Variants in FHIT observed in about 807,000 individuals in gnomAD.
FHIT encodes the protein bis(5'-adenosyl)-triphosphatase.
Under a neutral mutation model 17.9 loss-of-function variants are expected in FHIT, and 19 were observed. That is an observed-to-expected ratio of 1.06 (90% confidence interval 0.74 to 1.56). The LOEUF (loss-of-function observed/expected upper bound fraction) is 1.56. Among genes scored for constraint, FHIT ranks in the 40% most tolerant of loss-of-function variants. FHIT has a pLI of 0.00. For synonymous variants in FHIT, 81 were observed against 69.7 expected (o/e 1.16, Z -0.81); for missense variants, 248 against 189.2 (o/e 1.31, Z -1.82).
chr3:60,071,768 C>T (rs994265824), intron 5 of FHIT, among the ~76,000 whole-genome samples: 1 of 152,158 alleles, frequency 6.6e-6, no homozygotes, highest in Non-Finnish European at 1.5e-5. Context: ...TCCCATAATT[C>T]CCGTATGTTA....
chr3:61,167,231 T>TTAAATATATACTATATTTAATA (rs1186777331), intron 2 of FHIT, among the ~76,000 whole-genome samples: 5 of 151,640 alleles, frequency 3.3e-5, no homozygotes, highest in African/African-American at 7.3e-5. Flanking sequence ...TATATCCCTA[T>TTAAATATATACTATATTTAATA]TAAATATATA....
intron 4 of FHIT, among the ~76,000 whole-genome samples, chr3:60,696,293 C>T (rs144762757): frequency 3.3e-5 from 5 of 152,218 alleles, no homozygotes; most frequent in Non-Finnish European, 4.4e-5. Flanking sequence ...GTTCTCCATA[C>T]GTTGAAAAGT....
chr3:60,710,463 G>A (rs2041494758), intron 4 of FHIT, among the ~76,000 whole-genome samples: 1 of 152,186 alleles, frequency 6.6e-6, no homozygotes, highest in African/African-American at 2.4e-5. Flanking sequence ...CTGAAGCAGG[G>A]CAAGGCATTG....
At chr3:60,052,019 C>G (rs987105199) in intron 5 of FHIT, among the ~76,000 whole-genome samples, 2 of 152,104 alleles carry the variant, frequency 1.3e-5, no homozygotes, top group African/African-American at 4.8e-5. Flanking sequence ...TGCACCCCAA[C>G]TGGACTAATT....
At chr3:60,052,484 T>C (rs1270460929) in intron 5 of FHIT, among the ~76,000 whole-genome samples, 1 of 152,158 alleles carries the variant, frequency 6.6e-6, no homozygotes, top group Admixed American at 6.6e-5. Context: ...ATTAAACTTG[T>C]CTACAGTTTT....
At chr3:60,196,381 C>G (rs1447469892) in intron 5 of FHIT, among the ~76,000 whole-genome samples, 1 of 152,150 alleles carries the variant, frequency 6.6e-6, no homozygotes, top group Admixed American at 6.6e-5. Flanking sequence ...ACACTCAGAC[C>G]TCTGCATCCC....
intron 8 of FHIT, among the ~76,000 whole-genome samples, chr3:59,875,556 CTA>C (rs1387367191): frequency 6.6e-6 from 1 of 152,098 alleles, no homozygotes; most frequent in East Asian, 1.9e-4. Context: ...TTTAGAGTAA[CTA>C]TTTATATTTT....
chr3:60,166,157 A>G (rs1701161775), intron 5 of FHIT, among the ~76,000 whole-genome samples: 1 of 151,522 alleles, frequency 6.6e-6, no homozygotes, highest in East Asian at 1.9e-4. Flanking sequence ...TTTCTACTGT[A>G]AGGACTGTTT....
At chr3:59,814,859 G>T (rs1001317037) in intron 8 of FHIT, among the ~76,000 whole-genome samples, 3 of 152,008 alleles carry the variant, frequency 2.0e-5, no homozygotes, top group Non-Finnish European at 2.9e-5. Flanking sequence ...TCTCACAAAG[G>T]CTACCATGCA....
At chr3:60,831,170 T>C (rs915442983) in intron 3 of FHIT, among the ~76,000 whole-genome samples, 10 of 152,146 alleles carry the variant, frequency 6.6e-5, no homozygotes, top group African/African-American at 4.8e-5. Context: ...ACTCAGAACA[T>C]AAGATTGTGA....
intron 5 of FHIT, among the ~76,000 whole-genome samples, chr3:60,390,490 C>A (rs1452812437): frequency 6.8e-6 from 1 of 146,436 alleles, no homozygotes; most frequent in Non-Finnish European, 1.5e-5. Context: ...TCTACTTCTT[C>A]TATTTATAAA....
At chr3:60,528,366 T>A (rs1424541931) in intron 5 of FHIT, among the ~76,000 whole-genome samples, 2 of 152,004 alleles carry the variant, frequency 1.3e-5, no homozygotes, top group African/African-American at 4.8e-5. Context: ...GTTATATGTA[T>A]ATAAATATAC....
intron 5 of FHIT, among the ~76,000 whole-genome samples, chr3:60,259,031 T>G (rs1419682011): frequency 1.3e-5 from 2 of 151,268 alleles, no homozygotes; most frequent in East Asian, 1.9e-4. Context: ...TTTGAAGTCA[T>G]GTGTCCTGAA....
intron 2 of FHIT, among the ~76,000 whole-genome samples, chr3:61,117,046 A>G (rs965311131): frequency 3.3e-5 from 5 of 152,206 alleles, no homozygotes; most frequent in African/African-American, 1.2e-4. Context: ...AGTTTACAGT[A>G]CAAAAAATAT....
chr3:60,186,602 C>A (rs190870128), intron 5 of FHIT, among the ~76,000 whole-genome samples: 1 of 152,066 alleles, frequency 6.6e-6, no homozygotes, highest in African/African-American at 2.4e-5. Context: ...AGGTGGGCTG[C>A]GTACAGAACA....
chr3:60,088,673 A>C (rs1324693630), intron 5 of FHIT, among the ~76,000 whole-genome samples: 1 of 152,164 alleles, frequency 6.6e-6, no homozygotes, highest in African/African-American at 2.4e-5. Context: ...ACCCTACTTT[A>C]TAGATCTAGC....
chr3:60,516,810 G>A (rs960888587), intron 5 of FHIT, among the ~76,000 whole-genome samples: 2 of 152,194 alleles, frequency 1.3e-5, no homozygotes, highest in East Asian at 1.9e-4. Flanking sequence ...TCTGACAGCT[G>A]AGACAATGAC....
At chr3:60,499,663 G>A (rs1576766115) in intron 5 of FHIT, among the ~76,000 whole-genome samples, 1 of 118,252 alleles carries the variant, frequency 8.5e-6, no homozygotes, top group African/African-American at 2.8e-5. Flanking sequence ...ACAGGCATGA[G>A]CCACCGCGCC....
chr3:60,564,743 A>G (rs2037072728), intron 4 of FHIT, among the ~76,000 whole-genome samples: 1 of 152,174 alleles, frequency 6.6e-6, no homozygotes, highest in African/African-American at 2.4e-5. Flanking sequence ...ATTGCTTTTT[A>G]TGGGTGAGCA....
Sources: gnomAD v4.1 joint callset for allele counts (sites outside exome capture counted in the v4.1 genomes callset) on GRCh38, gnomAD v4.1.1 for gene constraint, MANE v1.5 for transcripts, NCBI Gene and HGNC (gene_info 2026-07-23, HGNC 2026-07-21) for gene names.